Variants in PER2 observed in about 807,000 individuals in gnomAD.
PER2 encodes period circadian protein homolog 2.
In PER2, 66 loss-of-function variants were observed where a neutral mutation model predicts 121.0. The ratio of observed to expected loss-of-function variants is 0.55; its 90% CI spans 0.45 to 0.67. PER2 has a LOEUF of 0.67. Ranked by LOEUF, PER2 falls within the 30% of genes least tolerant of loss-of-function variation. The pLI, the probability that PER2 is intolerant of heterozygous loss-of-function variation, is 0.00. For missense variants in PER2, 1,521 were observed against 1,635.0 expected (o/e 0.93, Z 1.20); for synonymous variants, 684 against 659.9 (o/e 1.04, Z -0.56).
Position 238,261,865 on chromosome 2 carries a change from A to C in PER2, c.1308-28T>G, listed in dbSNP as rs751372571. The C allele has an allele frequency of 1.9e-5, 29 of 1,502,868 alleles. 1 individual carries two copies. The South Asian group carries it at 2.8e-4, about 14-fold the overall frequency. 93.1% of individuals were successfully genotyped at this position (1,502,868 alleles called of 1,614,324 possible). Reference sequence around the variant, plus strand: ...GCGTGGTTTTAATTCATCTTGTTAGATGGGGCCCCACAGGAGGACCTCTCT... The same window carrying C: ...GCGTGGTTTTAATTCATCTTGTTAGCTGGGGCCCCACAGGAGGACCTCTCT... On this transcript the variant is annotated intron_variant, in intron 11 of 22. Transcript: ENST00000254657.
chr2:238,260,957 G>C lies in PER2; in HGVS notation c.1417-4C>G. Reference sequence around the variant, plus strand: ...TGGAGCCGCTGTGGGGGACGGGCTGGGGAGACAGCAGACAGCGCTACAGAC... The same window carrying C: ...TGGAGCCGCTGTGGGGGACGGGCTGCGGAGACAGCAGACAGCGCTACAGAC... On this transcript the variant is annotated splice_region_variant and splice_polypyrimidine_tract_variant and intron_variant, in intron 12 of 22. Coordinates refer to ENST00000254657, the MANE Select transcript of PER2 (RefSeq NM_022817.3). 1.2e-6 allele frequency: 2 copies of C among 1,612,324 alleles called. No homozygotes were observed. Among genetic ancestry groups the C allele is most frequent in the Non-Finnish European group, 1.7e-6 (2 of 1,179,916 alleles).
intron 8 of PER2, among the ~76,000 whole-genome samples, chr2:238,267,482 C>T (rs1239025067): frequency 6.6e-6 from 1 of 152,140 alleles, no homozygotes; most frequent in African/African-American, 2.4e-5. Flanking sequence ...TACAGAGGCA[C>T]AGCAAGCCTT....
In PER2 at chr2:238,271,498, C is replaced by T. The variant is rs759477237; in HGVS notation, c.586G>A (p.Ala196Thr). 6.2e-7 allele frequency: 1 copy of T among 1,612,940 alleles called. No homozygotes were observed. Among genetic ancestry groups the T allele is most frequent in the Non-Finnish European group, 8.5e-7 (1 of 1,179,222 alleles). The change falls in exon 6 of 23, where the codon GCC becomes ACC. Residue 196 changes from alanine (A) to threonine (T), a missense_variant. Transcript: ENST00000254657. ...ATCTTCCCAGACACCAGGGACACGG[C>T]CACCGCAAACATATCCTGAAAAGGA... ...IVKNADMFAV[A>T]VSLVSGKILY...
chr2:238,266,501 T>C (rs1157857762), intron 8 of PER2, among the ~76,000 whole-genome samples: 1 of 152,182 alleles, frequency 6.6e-6, no homozygotes, highest in Non-Finnish European at 1.5e-5. Context: ...ACAAAGCTGA[T>C]AGAGTAATTT....
upstream of PER2, among the ~76,000 whole-genome samples, chr2:238,292,292 C>T (rs149563597): frequency 1.9e-3 from 291 of 152,330 alleles, 2 homozygotes; most frequent in African/African-American, 6.6e-3. Flanking sequence ...GTGATGTGCA[C>T]ACACGTGTTC....
chr2:238,255,304 C>G, intron 18 of PER2: 2 of 386,624 alleles, frequency 5.2e-6, no homozygotes, highest in South Asian at 2.2e-5. Context: ...TGCCCACTAT[C>G]TTGAGGTTGA....
the PER2 span, among the ~76,000 whole-genome samples, chr2:238,297,985 C>T: frequency 1.3e-5 from 2 of 151,992 alleles, no homozygotes; most frequent in Non-Finnish European, 2.9e-5. Context: ...CCTTTTTTCT[C>T]CACTCTCCCT....
Position 238,252,846 on chromosome 2 carries a change from G to A in PER2, c.3111+66C>T. The A allele has an allele frequency of 7.2e-7, 1 of 1,380,150 alleles. No individual in the cohort carries two copies. Among genetic ancestry groups the A allele is most frequent in the South Asian group, 1.2e-5 (1 of 86,468 alleles). 85.5% of individuals were successfully genotyped at this position (1,380,150 alleles called of 1,614,324 possible). On this transcript the variant is annotated intron_variant, in intron 19 of 22. Coordinates refer to ENST00000254657, the MANE Select transcript of PER2 (RefSeq NM_022817.3). The surrounding 1 kb of genome is among the most constrained non-coding windows in gnomAD (Gnocchi z 4.2). ...ACCCCCATGTCTGAACTGAGGATGT[G>A]CGGCCGGCCTGCCAGGTGTGCTGTT... is the stretch of plus-strand genomic sequence containing the variant.
chr2:238,273,233 G>C, intron 4 of PER2, 42 bp from the exon 5 acceptor site: 1 of 1,605,038 alleles, frequency 6.2e-7, no homozygotes. Context: ...AGAACCCAGC[G>C]CTTGGCCGGA....
Position 238,268,785 on chromosome 2 carries a change from G to A in PER2, c.824+138C>T. The stretch of plus-strand genomic sequence containing the variant: ...ACACATTTAAAATGTAACTGACTGT[G>A]TTTTCTGGTAGACTTCAGAAACAGG... On this transcript the variant is annotated intron_variant, in intron 7 of 22. Coordinates refer to ENST00000254657, the MANE Select transcript of PER2 (RefSeq NM_022817.3). This position sits in a 1 kb window ranked among gnomAD's most constrained non-coding sequence, Gnocchi z 4.0. 1 of 710,362 alleles carries A rather than the reference G, an allele frequency of 1.4e-6. No individual in the cohort carries two copies. The highest frequency in any genetic ancestry group is 2.5e-6 in the Non-Finnish European group (1 of 392,464). 44.0% of individuals were successfully genotyped at this position (710,362 alleles called of 1,614,324 possible).
the PER2 span, among the ~76,000 whole-genome samples, chr2:238,297,247 G>T: frequency 6.6e-6 from 1 of 152,206 alleles, no homozygotes; most frequent in Non-Finnish European, 1.5e-5. Flanking sequence ...AAAGGAAAGG[G>T]GCTCTCGGGA....
At chr2:238,276,985 G>A (rs1260586771) in intron 3 of PER2, 146 bp downstream of exon 3, 5 of 762,134 alleles carry the variant, frequency 6.6e-6, no homozygotes, top group African/African-American at 1.7e-5. Context: ...AGGCCAGAGT[G>A]AGGCTGGGTT....
intron 1 of PER2, among the ~76,000 whole-genome samples, chr2:238,284,846 C>T (rs1696736553): frequency 6.6e-6 from 1 of 152,250 alleles, no homozygotes; most frequent in African/African-American, 2.4e-5. Flanking sequence ...ATGCGTCTCT[C>T]AGCCTCAGCG....
upstream of PER2, among the ~76,000 whole-genome samples, chr2:238,290,454 ACCGAGATT>A (rs1016614045): frequency 4.6e-5 from 7 of 152,028 alleles, no homozygotes; most frequent in Admixed American, 2.6e-4. Context: ...TCCACACCTT[ACCGAGATT>A]CTTCTTCATG....
intron 22 of PER2, 199 bp downstream of exon 22, chr2:238,248,863 G>C: frequency 1.6e-6 from 1 of 636,332 alleles, no homozygotes; most frequent in Non-Finnish European, 2.9e-6. Flanking sequence ...CACCGTGTTT[G>C]CCAGGATGGT....
intron 5 of PER2, among the ~76,000 whole-genome samples, chr2:238,271,862 G>A (rs376904603): frequency 2.8e-4 from 42 of 151,876 alleles, no homozygotes; most frequent in African/African-American, 9.4e-4. Flanking sequence ...TACTAGCCCC[G>A]AGATGACCCC....
chr2:238,279,760 C>G (rs560844763), intron 1 of PER2, among the ~76,000 whole-genome samples: 1 of 152,184 alleles, frequency 6.6e-6, no homozygotes, highest in African/African-American at 2.4e-5. Flanking sequence ...TACAATTGGT[C>G]GGGGGGAGGG....
At chr2:238,250,483 C>G in intron 21 of PER2, 68 bp downstream of exon 21, 2 of 1,134,498 alleles carry the variant, frequency 1.8e-6, no homozygotes, top group Non-Finnish European at 2.6e-6. Flanking sequence ...TGACCTTGAC[C>G]TTGTTGTTTC....
At chr2:238,250,248 A>G (rs541336269) in intron 21 of PER2, among the ~76,000 whole-genome samples, 19 of 152,358 alleles carry the variant, frequency 1.2e-4, no homozygotes, top group African/African-American at 4.3e-4. Flanking sequence ...GCTGGCACCA[A>G]TGCTTTGTGA....
Sources: allele counts gnomAD v4.1 joint callset (sites outside exome capture counted in the v4.1 genomes callset), GRCh38; gene constraint gnomAD v4.1.1; non-coding constraint Gnocchi (gnomAD v3.1); transcripts MANE v1.5; gene names NCBI Gene and HGNC (gene_info 2026-07-23, HGNC 2026-07-21).